Variants in EBF1 observed in about 807,000 individuals in gnomAD.
EBF1 encodes EBF transcription factor 1.
Under a neutral mutation model 68.4 loss-of-function variants are expected in EBF1, and 10 were observed. That is an observed-to-expected ratio of 0.15 (90% CI 0.09 to 0.25). The LOEUF (loss-of-function observed/expected upper bound fraction) is 0.25. EBF1 is among the 10% of genes least tolerant of loss of function. The pLI is 1.00. For missense variants in EBF1, 509 were observed against 794.4 expected (o/e 0.64, Z 4.32); for synonymous variants, 298 against 299.8 (o/e 0.99, Z 0.06).
chr5:158,992,224 GAA>G (rs35596220), intron 6 of EBF1, among the ~76,000 whole-genome samples: 33 of 139,324 alleles, frequency 2.4e-4, no homozygotes, highest in Non-Finnish European at 2.6e-4. Context: ...CCTTGTAAGG[GAA>G]AAAAAAAAAA....
chr5:159,060,665 G>T (rs976860032), intron 6 of EBF1, among the ~76,000 whole-genome samples: 3 of 152,010 alleles, frequency 2.0e-5, no homozygotes, highest in African/African-American at 7.3e-5. Flanking sequence ...TGCTGTTAGA[G>T]ATTAACAGGG....
chr5:158,757,624 T>C (rs1460223065), intron 10 of EBF1, among the ~76,000 whole-genome samples: 3 of 152,218 alleles, frequency 2.0e-5, no homozygotes, highest in East Asian at 1.9e-4. Flanking sequence ...GCCTGGACTC[T>C]GAAGCCAGTC....
intron 6 of EBF1, among the ~76,000 whole-genome samples, chr5:158,859,168 GTGATA>G (rs1794574984): frequency 6.6e-6 from 1 of 152,172 alleles, no homozygotes; most frequent in Non-Finnish European, 1.5e-5. Context: ...TTTGAGTCAA[GTGATA>G]TGCATTTACA....
At chr5:159,037,700 A>G (rs956074744) in intron 6 of EBF1, among the ~76,000 whole-genome samples, 2 of 145,110 alleles carry the variant, frequency 1.4e-5, no homozygotes, top group Non-Finnish European at 1.5e-5. Flanking sequence ...AGATATACCT[A>G]ATGCTAGATG....
At chr5:158,984,681 C>CTTTTTTTT (rs869234197) in intron 6 of EBF1, 2 of 99,906 alleles carry the variant, frequency 2.0e-5, no homozygotes, top group African/African-American at 7.9e-5. Context: ...TGCTTTCTTC[C>CTTTTTTTT]TTTTTTTTTT....
At chr5:158,995,382 G>T (rs965132567) in intron 6 of EBF1, among the ~76,000 whole-genome samples, 4 of 152,180 alleles carry the variant, frequency 2.6e-5, no homozygotes, top group Non-Finnish European at 5.9e-5. Flanking sequence ...CACAGTAGCA[G>T]ATCAATGCTA....
intron 6 of EBF1, among the ~76,000 whole-genome samples, chr5:158,948,130 G>A (rs898496810): frequency 5.3e-5 from 8 of 152,162 alleles, no homozygotes; most frequent in Non-Finnish European, 7.4e-5. Flanking sequence ...TTCCTGCATC[G>A]GGGTGGAGGG....
intron 6 of EBF1, among the ~76,000 whole-genome samples, chr5:158,875,299 G>A (rs1298683988): frequency 6.6e-6 from 1 of 152,184 alleles, no homozygotes; most frequent in Admixed American, 6.5e-5. Context: ...TTTTTAACCT[G>A]AACTTCTGCA....
intron 6 of EBF1, among the ~76,000 whole-genome samples, chr5:158,895,669 A>AG (rs1381675016): frequency 1.3e-5 from 2 of 152,178 alleles, no homozygotes; most frequent in African/African-American, 4.8e-5. Flanking sequence ...GAGAATGGTA[A>AG]GCAATTCAGA....
intron 6 of EBF1, among the ~76,000 whole-genome samples, chr5:158,952,622 A>G (rs1386427221): frequency 2.0e-5 from 3 of 152,276 alleles, no homozygotes; most frequent in Non-Finnish European, 4.4e-5. Flanking sequence ...AACAGCAAAT[A>G]TAACAATACA....
chr5:158,724,332 G>A (rs1457161246), intron 11 of EBF1, among the ~76,000 whole-genome samples: 1 of 152,188 alleles, frequency 6.6e-6, no homozygotes, highest in Non-Finnish European at 1.5e-5. Flanking sequence ...GAAAGAGAAA[G>A]AGAGATAGTG....
intron 6 of EBF1, among the ~76,000 whole-genome samples, chr5:158,872,103 T>C (rs1474939555): frequency 1.3e-5 from 2 of 152,204 alleles, no homozygotes; most frequent in Non-Finnish European, 2.9e-5. Flanking sequence ...TCAGGAGAGA[T>C]GCAGTCATCC....
intron 6 of EBF1, among the ~76,000 whole-genome samples, chr5:158,885,381 G>T (rs1028381130): frequency 3.3e-5 from 5 of 152,312 alleles, no homozygotes; most frequent in Admixed American, 1.3e-4. Flanking sequence ...AGAAGTGGAC[G>T]CAGGCAAGAA....
chr5:158,883,752 T>C (rs1162723436), intron 6 of EBF1, among the ~76,000 whole-genome samples: 1 of 152,182 alleles, frequency 6.6e-6, no homozygotes, highest in Non-Finnish European at 1.5e-5. Context: ...TTCCACCAGA[T>C]GCCAAAGCCT....
chr5:159,030,231 T>A (rs1170442142), intron 6 of EBF1, among the ~76,000 whole-genome samples: 2 of 152,142 alleles, frequency 1.3e-5, no homozygotes, highest in East Asian at 1.9e-4. Flanking sequence ...AAGATGATTA[T>A]AATTGGATTA....
intron 7 of EBF1, among the ~76,000 whole-genome samples, chr5:158,834,492 G>A (rs972092182): frequency 6.7e-6 from 1 of 149,182 alleles, no homozygotes; most frequent in Non-Finnish European, 1.5e-5. Context: ...TCAAAAGAAA[G>A]CATCCATTGT....
intron 6 of EBF1, among the ~76,000 whole-genome samples, chr5:159,006,955 A>G (rs950852394): frequency 6.6e-6 from 1 of 152,190 alleles, no homozygotes; most frequent in African/African-American, 2.4e-5. Flanking sequence ...TACTTCTCAA[A>G]AGAATGTCAC....
intron 6 of EBF1, among the ~76,000 whole-genome samples, chr5:158,963,046 G>GGCA (rs1382003113): frequency 6.6e-6 from 1 of 152,072 alleles, no homozygotes; most frequent in Non-Finnish European, 1.5e-5. Context: ...CCATTTCCCT[G>GGCA]GCATTCTGGC....
chr5:158,900,440 G>A (rs552947478), intron 6 of EBF1, among the ~76,000 whole-genome samples: 194 of 152,312 alleles, frequency 1.3e-3, no homozygotes, highest in Non-Finnish European at 2.2e-3. Context: ...AACTGTCATC[G>A]GAGATGGAGG....
Sources: gnomAD v4.1 joint callset for allele counts (sites outside exome capture counted in the v4.1 genomes callset) on GRCh38, gnomAD v4.1.1 for gene constraint, MANE v1.5 for transcripts, NCBI Gene and HGNC (gene_info 2026-07-23, HGNC 2026-07-21) for gene names.